The following GABRA4 variants were observed in gnomAD, a reference collection of about 807,000 sequenced individuals.
GABRA4 encodes the protein gamma-aminobutyric acid receptor subunit alpha-4.
In GABRA4, 12 loss-of-function variants were observed where a neutral mutation model predicts 49.7. That is an observed-to-expected ratio of 0.24 (90% CI 0.15 to 0.39). The LOEUF is 0.39. Ranked by LOEUF, GABRA4 falls within the 10% of genes least tolerant of loss-of-function variation. The probability of loss-of-function intolerance (pLI) is 1.00; values close to 1 mark genes in which losing one functional copy is unlikely to be tolerated. For synonymous variants in GABRA4, 288 were observed against 240.2 expected (o/e 1.20, Z -1.84); for missense variants, 506 against 686.0 (o/e 0.74, Z 2.93).
chr4:46,947,587 AGG>A (rs1398290891), intron 8 of GABRA4, among the ~76,000 whole-genome samples: 1 of 151,932 alleles, frequency 6.6e-6, no homozygotes, highest in Admixed American at 6.6e-5. Context: ...AAAGGAAGGA[AGG>A]AAGTAAAACA....
intron 8 of GABRA4, among the ~76,000 whole-genome samples, chr4:46,950,989 C>T (rs1722155490): frequency 6.6e-6 from 1 of 151,806 alleles, no homozygotes; most frequent in Non-Finnish European, 1.5e-5. Flanking sequence ...CAGAGTTGAG[C>T]ATGACTCTTA....
Position 46,977,114 on chromosome 4 carries a change from C to T in GABRA4, c.524G>A (p.Arg175Lys), listed in dbSNP as rs982445598. 13 of 1,609,518 alleles carry T rather than the reference C, an allele frequency of 8.1e-6. No individual in the cohort carries two copies. The highest frequency in any genetic ancestry group is 1.1e-5 in the Non-Finnish European group (13 of 1,177,306). ...ACCATCCATGGGAAAATCCACCAAT[C>T]TCATGGGACACTCCGCACTTATGGT... ...RLTISAECPM[R>K]LVDFPMDGHA... The change falls in exon 5 of 9, where the codon AGA becomes AAA. Residue 175 changes from arginine to lysine, a missense_variant. By Grantham distance (26) the Arg-to-Lys change is conservative (BLOSUM62 2). This residue lies in a region of GABRA4 where 195 missense variants were observed against 326.0 expected (regional missense o/e 0.60). Transcript: ENST00000264318.
intron 7 of GABRA4, among the ~76,000 whole-genome samples, chr4:46,969,967 A>G (rs990719372): frequency 2.6e-5 from 4 of 151,144 alleles, no homozygotes; most frequent in African/African-American, 9.7e-5. Flanking sequence ...TTGCCCCCCC[A>G]TATGAGTTTC....
At chr4:46,968,321 A>G (rs892512926) in intron 7 of GABRA4, among the ~76,000 whole-genome samples, 1 of 151,388 alleles carries the variant, frequency 6.6e-6, no homozygotes, top group African/African-American at 2.4e-5. Context: ...TTGTCTGCTC[A>G]ACTGAAAACA....
At chr4:46,928,786 T>C (rs746006905) in intron 8 of GABRA4, 31 bp from the exon 9 acceptor site, 6 of 1,413,412 alleles carry the variant, frequency 4.2e-6, no homozygotes, top group Non-Finnish European at 5.9e-6. Context: ...ATATATTGGT[T>C]ATGTAACTTT....
At chr4:46,941,668 T>G (rs1372064604) in intron 8 of GABRA4, among the ~76,000 whole-genome samples, 1 of 152,098 alleles carries the variant, frequency 6.6e-6, no homozygotes, top group Middle Eastern at 3.2e-3. Context: ...AACTTTCCAC[T>G]TCGGTAAATG....
rs1307822638 is a variant in GABRA4 at position 46,919,213 on chromosome 4, G to C, written c.*9012C>G. 1 of 151,234 alleles carries C rather than the reference G, an allele frequency of 6.6e-6. No individual in the cohort carries two copies. The allele number at this position is 151,234 out of a possible 1,614,324, so 9.4% of individuals were successfully genotyped here. ...AAAAGCAAGGGACATTTACTTAAAG[G>C]GACAGTGTTTAAAAAATCATTTCCT... On this transcript the variant is annotated 3_prime_UTR_variant, in exon 9 of 9. Transcript: ENST00000264318.
At chr4:46,954,929 A>G (rs1474263524) in intron 8 of GABRA4, among the ~76,000 whole-genome samples, 3 of 152,116 alleles carry the variant, frequency 2.0e-5, no homozygotes, top group Non-Finnish European at 4.4e-5. Flanking sequence ...AGTTTGCTCA[A>G]CCATAAAATT....
rs138473369 is a variant in GABRA4, at chr4:46,982,597, T to C, written c.206-3499A>G. ...CCCAAAATTTATCGTTTTTCCTATGTTCTTTCCTGGAGCTTTCTTCTTCTG... is the reference window on the plus strand; with the variant it reads ...CCCAAAATTTATCGTTTTTCCTATGCTCTTTCCTGGAGCTTTCTTCTTCTG... On this transcript the variant is annotated intron_variant, in intron 2 of 8. Coordinates refer to ENST00000264318, the MANE Select transcript of GABRA4 (RefSeq NM_000809.4). 3.5e-4 allele frequency among the ~76,000 whole-genome samples: 54 copies of C among 152,234 alleles called. 1 individual carries two copies. The East Asian group carries it at 0.01, about 29-fold the overall frequency.
Position 46,937,113 on chromosome 4 carries a change from T to C in GABRA4, c.1135-8358A>G, listed in dbSNP as rs983517435. On this transcript the variant is annotated intron_variant, in intron 8 of 8. Coordinates refer to ENST00000264318, the MANE Select transcript of GABRA4 (RefSeq NM_000809.4). ...GTCACAAAGGTGGAGCCCTGTCCCA[T>C]GGAACTGGTGCCCTCATAAAAGAAA... 2.6e-5 allele frequency among the ~76,000 whole-genome samples: 4 copies of C among 152,214 alleles called. No individual in the cohort carries two copies. In the East Asian group the frequency reaches 5.8e-4, roughly 22 times the overall value.
chr4:46,959,858 G>C (rs1722510011), intron 8 of GABRA4, among the ~76,000 whole-genome samples: 1 of 149,802 alleles, frequency 6.7e-6, no homozygotes, highest in Non-Finnish European at 1.5e-5. Context: ...GTGTATGTGT[G>C]TGTGTGAGTG....
chr4:46,934,450 A>G (rs1721539248), intron 8 of GABRA4, among the ~76,000 whole-genome samples: 1 of 152,162 alleles, frequency 6.6e-6, no homozygotes, highest in Admixed American at 6.6e-5. Flanking sequence ...TAAATATTTT[A>G]TATACCAAGG....
rs1054137796 is a variant in GABRA4, at chr4:46,970,552, C to A, written c.874+531G>T. Among the ~76,000 whole-genome samples, 10 of 151,048 alleles carry A rather than the reference C, an allele frequency of 6.6e-5. 2 individuals are homozygous for A. The highest frequency in any genetic ancestry group is 2.0e-4 in the Admixed American group (3 of 15,126). ...GCCACTATAAAAACAAAAAGAAAAA[C>A]CAATGTTTAGAAAAAAAAGAAGTAA... On this transcript the variant is annotated intron_variant, in intron 7 of 8. Transcript: ENST00000264318.
At chr4:46,949,411 C>T (rs541439458) in intron 8 of GABRA4, among the ~76,000 whole-genome samples, 1 of 152,022 alleles carries the variant, frequency 6.6e-6, no homozygotes, top group East Asian at 1.9e-4. Flanking sequence ...ATTACCTAAT[C>T]TATTGGTCAA....
chr4:46,947,358 G>A (rs1722017561), intron 8 of GABRA4, among the ~76,000 whole-genome samples: 1 of 151,984 alleles, frequency 6.6e-6, no homozygotes, highest in Non-Finnish European at 1.5e-5. Flanking sequence ...CAGTGATTCA[G>A]CAGTTTTCAC....
At position 46,993,489 on chromosome 4, in the gene GABRA4, G is replaced by T; in HGVS notation, c.-65C>A. ...AGGCTCTTCAGATGCCCTGAGCAGG[G>T]TGCGAGGAGAGGGCAGAGAGGCTCC... On this transcript the variant is annotated 5_prime_UTR_variant, in exon 1 of 9. Coordinates refer to ENST00000264318, the MANE Select transcript of GABRA4 (RefSeq NM_000809.4). The T allele has an allele frequency of 6.5e-7, 1 of 1,544,196 alleles. No individual in the cohort carries two copies. Among genetic ancestry groups the T allele is most frequent in the Non-Finnish European group, 8.9e-7 (1 of 1,117,910 alleles).
At chr4:46,984,265 C>G (rs1317069207) in intron 2 of GABRA4, among the ~76,000 whole-genome samples, 1 of 152,054 alleles carries the variant, frequency 6.6e-6, no homozygotes, top group Non-Finnish European at 1.5e-5. Context: ...ATCCATGCAT[C>G]CACCATCATC....
chr4:46,952,951 C>T (rs9995416), intron 8 of GABRA4, among the ~76,000 whole-genome samples: 78,921 of 151,876 alleles, frequency 0.52, 20,735 homozygotes, highest in East Asian at 0.66. Flanking sequence ...GCAACCATGT[C>T]TATATCTCAG....
At position 46,918,914 on chromosome 4, in the gene GABRA4, A is replaced by G. The variant is rs1033183923; in HGVS notation, c.*9311T>C. The G allele has an allele frequency of 6.6e-6, 1 of 151,766 alleles. No individual in the cohort carries two copies. The highest frequency in any genetic ancestry group is 1.9e-4 in the East Asian group (1 of 5,198). The allele number at this position is 151,766 out of a possible 1,614,324, so 9.4% of individuals were successfully genotyped here. ...ACCAAAAAATATTCCAAAGATATTT[A>G]TGTTTATTGTTTTAAATTTAAATAG... is the stretch of plus-strand genomic sequence containing the variant. On this transcript the variant is annotated 3_prime_UTR_variant, in exon 9 of 9. Transcript: ENST00000264318.
Sources: allele counts gnomAD v4.1 joint callset (sites outside exome capture counted in the v4.1 genomes callset), GRCh38; gene constraint gnomAD v4.1.1; regional missense constraint gnomAD v4.1.1; transcripts MANE v1.5; gene names NCBI Gene and HGNC (gene_info 2026-07-23, HGNC 2026-07-21).